PACS2: variants seen among roughly 807,000 people sequenced by gnomAD.
PACS2 encodes PACS1-like protein.
In PACS2, 36 loss-of-function variants were observed where a neutral mutation model predicts 113.0. The observed-to-expected ratio is 0.32, with a 90% CI of 0.24 to 0.42. PACS2 has a LOEUF of 0.42. Among genes scored for constraint, PACS2 ranks in the 10% least tolerant of loss-of-function variants. PACS2 has a pLI of 1.00. For missense variants in PACS2, 1,015 were observed against 1,239.5 expected (o/e 0.82, Z 2.72); for synonymous variants, 589 against 536.1 (o/e 1.10, Z -1.36).
At chr14:105,359,108 G>A (rs1262406008) in intron 4 of PACS2, among the ~76,000 whole-genome samples, 2 of 151,936 alleles carry the variant, frequency 1.3e-5, no homozygotes, top group Admixed American at 6.6e-5. Context: ...GGTGCATGGC[G>A]ACCTCCCAGG....
chr14:105,371,138 A>G (rs1226358774), intron 8 of PACS2: 3 of 152,298 alleles, frequency 2.0e-5, no homozygotes, highest in African/African-American at 7.2e-5. Context: ...AACATCACCA[A>G]CTGGCCGCAG....
At chr14:105,334,630 A>T (rs587703853) in intron 1 of PACS2, among the ~76,000 whole-genome samples, 1 of 148,430 alleles carries the variant, frequency 6.7e-6, no homozygotes, top group East Asian at 2.0e-4. Flanking sequence ...GCTCCACCTG[A>T]GGGTCCAGTG....
At chr14:105,319,320 G>A (rs763631242) in intron 1 of PACS2, among the ~76,000 whole-genome samples, 1 of 152,222 alleles carries the variant, frequency 6.6e-6, no homozygotes, top group Non-Finnish European at 1.5e-5. Context: ...TGTAGAGCAG[G>A]TTGGGGAGAA....
intron 4 of PACS2, among the ~76,000 whole-genome samples, chr14:105,364,511 T>TGCGCGGTGGGCGGC (rs1566943624): frequency 1.7e-4 from 22 of 131,698 alleles, no homozygotes; most frequent in African/African-American, 6.6e-4. Flanking sequence ...CGGTGGGCGG[T>TGCGCGGTGGGCGGC]GGCCTGGGTG....
rs1337171655 is a variant in PACS2, at chr14:105,315,092, G to A, written c.119+55G>A. 9.6e-7 allele frequency: 1 copy of A among 1,041,188 alleles called. No homozygotes were observed. Among genetic ancestry groups the A allele is most frequent in the Non-Finnish European group, 1.2e-6 (1 of 859,418 alleles). The allele number at this position is 1,041,188 out of a possible 1,614,324, so 64.5% of individuals were successfully genotyped here. ...GCCGGGCACCTGCTGGGGGTGTCCT[G>A]GCCGCGGCCTCTGCGCGCCCCATCC... On this transcript the variant is annotated intron_variant, in intron 1 of 24. Transcript: ENST00000447393. The surrounding 1 kb of genome is among the most constrained non-coding windows in gnomAD (Gnocchi z 4.4).
chr14:105,377,765 G>C (rs1458475963), intron 9 of PACS2, among the ~76,000 whole-genome samples: 1 of 152,240 alleles, frequency 6.6e-6, no homozygotes, highest in African/African-American at 2.4e-5. Flanking sequence ...CATAACAGGT[G>C]ACCGCGGATG....
At chr14:105,341,067 G>T (rs587635159) in intron 1 of PACS2, among the ~76,000 whole-genome samples, 1 of 152,400 alleles carries the variant, frequency 6.6e-6, no homozygotes, top group African/African-American at 2.4e-5. Flanking sequence ...GAGACCTGCA[G>T]TGCCTGCAGA....
Position 105,324,494 on chromosome 14 carries a change from G to A in PACS2, c.119+9457G>A, listed in dbSNP as rs2059020606. On this transcript the variant is annotated intron_variant, in intron 1 of 24. Transcript: ENST00000447393. This position sits in a 1 kb window ranked among gnomAD's most constrained non-coding sequence, Gnocchi z 4.7. ...GCCTGTGAGCTGCTGGCCCCGCAGG[G>A]TGGCTGGGCCTGGCTGGCTCAGCAG... 6.6e-6 allele frequency among the ~76,000 whole-genome samples: 1 copy of A among 152,222 alleles called. No individual in the cohort carries two copies. Among genetic ancestry groups the A allele is most frequent in the African/African-American group, 2.4e-5 (1 of 41,456 alleles).
chr14:105,364,393 CGGT>C (rs1383938229), intron 4 of PACS2, among the ~76,000 whole-genome samples: 7 of 87,928 alleles, frequency 8.0e-5, no homozygotes, highest in Admixed American at 4.6e-4. Context: ...GCGCGGTGGG[CGGT>C]GTCCCGGGTG....
chr14:105,363,789 T>C (rs969250291), intron 4 of PACS2, among the ~76,000 whole-genome samples: 12 of 152,184 alleles, frequency 7.9e-5, no homozygotes, highest in African/African-American at 2.4e-4. Flanking sequence ...TGACGTGCCT[T>C]CTTCACTAAA....
intron 4 of PACS2, among the ~76,000 whole-genome samples, chr14:105,362,431 G>GAA (rs1566941359): frequency 6.8e-6 from 1 of 146,414 alleles, no homozygotes; most frequent in African/African-American, 2.6e-5. Flanking sequence ...AAAAAAAAAA[G>GAA]AAAAGAAAAA....
At position 105,392,646 on chromosome 14, in the gene PACS2, G is replaced by T; in HGVS notation, c.2283G>T (p.Gly761=). The change falls in exon 23 of 25, where the codon GGG becomes GGT. Residue 761 remains glycine, a synonymous_variant. Coordinates refer to ENST00000447393, the MANE Select transcript of PACS2 (RefSeq NM_001100913.3). ...AGGGTGTCGGCGCCGAGCTGATGGG[G>T]CTGCAGGTGGACTACTGGACGGCAG... ...PSQGVGAELM[G]LQVDYWTAAQ... 6.2e-7 allele frequency: 1 copy of T among 1,611,158 alleles called. No individual in the cohort carries two copies. The highest frequency in any genetic ancestry group is 1.7e-5 in the Admixed American group (1 of 59,766).
intron 19 of PACS2, among the ~76,000 whole-genome samples, chr14:105,387,144 A>G (rs780749340): frequency 1.3e-5 from 2 of 152,188 alleles, no homozygotes; most frequent in Middle Eastern, 3.2e-3. Context: ...AGCAAAGGCC[A>G]TAAGTGTCTT....
chr14:105,390,371 G>C (rs1351546462), intron 20 of PACS2: 1 of 313,450 alleles, frequency 3.2e-6, no homozygotes, highest in Non-Finnish European at 6.2e-6. Context: ...GGCCCCGGGA[G>C]CTTCCCAGTG....
intron 1 of PACS2, among the ~76,000 whole-genome samples, chr14:105,307,707 C>G (rs1485440330): frequency 6.6e-6 from 1 of 152,246 alleles, no homozygotes; most frequent in Non-Finnish European, 1.5e-5. Context: ...GCTTCAATCT[C>G]TCTAGGTTTC....
In PACS2 at chr14:105,380,160, C is replaced by T. The variant is rs2141230381; in HGVS notation, c.1125+6C>T. The T allele has an allele frequency of 1.3e-6, 2 of 1,550,108 alleles. No individual in the cohort carries two copies. Among genetic ancestry groups the T allele is most frequent in the Non-Finnish European group, 1.7e-6 (2 of 1,146,472 alleles). ...TCTCTGACACGGTGGCCCTCGTAAG[C>T]AGGCTTGGGCCGCACCCACCCGTTC... is the stretch of plus-strand genomic sequence containing the variant. On this transcript the variant is annotated splice_donor_region_variant and intron_variant, in intron 11 of 24. Coordinates refer to ENST00000447393, the MANE Select transcript of PACS2 (RefSeq NM_001100913.3).
At chr14:105,319,139 G>A (rs777015911) in intron 1 of PACS2, among the ~76,000 whole-genome samples, 3 of 150,830 alleles carry the variant, frequency 2.0e-5, no homozygotes, top group African/African-American at 7.3e-5. Flanking sequence ...GTAGAGACAG[G>A]GTTTCACCAT....
At chr14:105,304,765 A>C (rs2058134664) in intron 1 of PACS2, among the ~76,000 whole-genome samples, 1 of 152,242 alleles carries the variant, frequency 6.6e-6, no homozygotes, top group South Asian at 2.1e-4. Flanking sequence ...AGGAGGAGCA[A>C]GTCACGTCTT....
intron 8 of PACS2, chr14:105,371,595 A>G (rs2061155892): frequency 1.3e-5 from 2 of 152,154 alleles, no homozygotes; most frequent in Admixed American, 1.3e-4. Context: ...CCTTTCCTGA[A>G]AAGACCAGAC....
Sources: gnomAD v4.1 joint callset for allele counts (sites outside exome capture counted in the v4.1 genomes callset) on GRCh38, gnomAD v4.1.1 for gene constraint, Gnocchi (gnomAD v3.1) non-coding constraint, MANE v1.5 for transcripts, NCBI Gene and HGNC (gene_info 2026-07-23, HGNC 2026-07-21) for gene names.